ZNF804B: variants seen among roughly 807,000 people sequenced by gnomAD.
The protein encoded by ZNF804B is zinc finger protein 804B.
ZNF804B carries 80 observed loss-of-function variants against 101.4 expected under a neutral mutation model. The observed-to-expected ratio is 0.79, with a 90% CI of 0.66 to 0.95. The LOEUF (loss-of-function observed/expected upper bound fraction) is 0.95. Among genes scored for constraint, ZNF804B ranks in the 40% least tolerant of loss-of-function variants. The pLI is 0.00. For synonymous variants in ZNF804B, 622 were observed against 558.8 expected, an observed-to-expected ratio of 1.11 and a Z score of -1.59; for missense variants, 1,673 against 1,561.9, an observed-to-expected ratio of 1.07 and a Z score of -1.20.
At chr7:89,269,378 A>G (rs1473017017) in intron 2 of ZNF804B, among the ~76,000 whole-genome samples, 1 of 152,110 alleles carries the variant, frequency 6.6e-6, no homozygotes, top group Non-Finnish European at 1.5e-5. Flanking sequence ...CCATGTCCCT[A>G]CAAAGGACAT....
chr7:88,990,984 C>G (rs895379812), intron 1 of ZNF804B, among the ~76,000 whole-genome samples: 11 of 152,034 alleles, frequency 7.2e-5, no homozygotes, highest in Admixed American at 7.2e-4. Flanking sequence ...TATTAAAGAT[C>G]TAGAAAATCA....
intron 2 of ZNF804B, among the ~76,000 whole-genome samples, chr7:89,258,807 A>G (rs1195298146): frequency 6.6e-6 from 1 of 151,982 alleles, no homozygotes; most frequent in Non-Finnish European, 1.5e-5. Context: ...GAAAAAATAT[A>G]TTGACTATTA....
chr7:89,130,107 C>T (rs10260551), intron 1 of ZNF804B, among the ~76,000 whole-genome samples: 44,473 of 151,792 alleles, frequency 0.29, 7,053 homozygotes, highest in East Asian at 0.58. Context: ...TCAATTTTCA[C>T]CAAGAGAAAA....
intron 2 of ZNF804B, among the ~76,000 whole-genome samples, chr7:89,220,002 T>TACATATAC (rs1491540820): frequency 7.2e-5 from 2 of 27,588 alleles, no homozygotes; most frequent in Non-Finnish European, 1.6e-4. Flanking sequence ...TATATGTATA[T>TACATATAC]GCACATATAT....
intron 1 of ZNF804B, among the ~76,000 whole-genome samples, chr7:88,814,459 C>T (rs1452875672): frequency 2.0e-5 from 1 of 49,892 alleles, no homozygotes; most frequent in African/African-American, 9.7e-5. Context: ...CACACACACA[C>T]ACACACACAC....
At chr7:89,059,874 G>A (rs576578000) in intron 1 of ZNF804B, among the ~76,000 whole-genome samples, 1 of 142,320 alleles carries the variant, frequency 7.0e-6, no homozygotes, top group Admixed American at 7.3e-5. Context: ...GGGACATGCT[G>A]TCAGTGTTGG....
intron 1 of ZNF804B, among the ~76,000 whole-genome samples, chr7:89,207,774 C>T (rs954266836): frequency 6.6e-6 from 1 of 152,114 alleles, no homozygotes; most frequent in Non-Finnish European, 1.5e-5. Flanking sequence ...CAAATGTATT[C>T]GTTCTTTCAG....
intron 2 of ZNF804B, among the ~76,000 whole-genome samples, chr7:89,239,816 A>T (rs776221483): frequency 1.6e-4 from 24 of 148,950 alleles, no homozygotes; most frequent in African/African-American, 2.2e-4. Flanking sequence ...TATATATATA[A>T]AATTTAATAG....
At position 89,171,277 on chromosome 7, in the gene ZNF804B, A is replaced by ATGCTGCTGC. The variant is rs55857746; in HGVS notation, c.109-46873_109-46865dup. Among the ~76,000 whole-genome samples the ATGCTGCTGC allele has an allele frequency of 7.7e-3, 844 of 110,010 alleles. 27 individuals carry two copies. Among genetic ancestry groups the ATGCTGCTGC allele is most frequent in the African/African-American group, 0.017 (476 of 28,308 alleles). 72.2% of individuals were successfully genotyped at this position (110,010 alleles called of 152,430 possible). On this transcript the variant is annotated intron_variant, in intron 1 of 3. Transcript: ENST00000333190. ...TAACTCAATGAAGTAGGCACAAATAATGCTGCTGCTGCTTCTTCTTCTTCT... is the reference window on the plus strand; with the variant it reads ...TAACTCAATGAAGTAGGCACAAATAATGCTGCTGCTGCTGCTGCTGCTTCTTCTTCTTCT...
chr7:88,985,968 C>A (rs1235824596), intron 1 of ZNF804B, among the ~76,000 whole-genome samples: 2 of 152,052 alleles, frequency 1.3e-5, no homozygotes, highest in African/African-American at 2.4e-5. Flanking sequence ...CAAAATGATT[C>A]GTCACATGCC....
At chr7:88,891,908 G>A (rs543584552) in intron 1 of ZNF804B, among the ~76,000 whole-genome samples, 3 of 152,090 alleles carry the variant, frequency 2.0e-5, no homozygotes, top group Non-Finnish European at 4.4e-5. Flanking sequence ...GGTGTGTGAT[G>A]TTCCCCTTCC....
At position 89,335,577 on chromosome 7, in the gene ZNF804B, G is replaced by A. The variant is rs370883568; in HGVS notation, c.2595G>A (p.Leu865=). The A allele has an allele frequency of 6.9e-5, 111 of 1,613,882 alleles. No individual in the cohort carries two copies. The highest frequency in any genetic ancestry group is 1.9e-4 in the South Asian group (17 of 91,080). Residue 865 remains leucine, a synonymous_variant, in exon 4 of 4, where the codon TTG becomes TTA. Coordinates refer to ENST00000333190, the MANE Select transcript of ZNF804B (RefSeq NM_181646.5). ...ACTCAATAGAGAAAATGTATTACTT[G>A]AATAAAAGCAAGAGAAATCAAGAGT... ...DSYSIEKMYY[L]NKSKRNQESL...
At chr7:89,209,225 C>T (rs561390945) in intron 1 of ZNF804B, among the ~76,000 whole-genome samples, 18 of 149,542 alleles carry the variant, frequency 1.2e-4, no homozygotes, top group South Asian at 4.3e-4. Flanking sequence ...CCCTAGGGAA[C>T]GCCACCGAGA....
At chr7:89,230,666 A>G (rs1789178733) in intron 2 of ZNF804B, among the ~76,000 whole-genome samples, 1 of 152,064 alleles carries the variant, frequency 6.6e-6, no homozygotes, top group Non-Finnish European at 1.5e-5. Context: ...AAGTAAAGGT[A>G]ATTCCATGGA....
rs908441914 is a variant in ZNF804B, at chr7:89,218,269, A to C, written c.223A>C (p.Asn75His). The C allele has an allele frequency of 6.2e-7, 1 of 1,613,722 alleles. No homozygotes were observed. Among genetic ancestry groups the C allele is most frequent in the Non-Finnish European group, 8.5e-7 (1 of 1,179,800 alleles). ...HKHQEFDNHI[N>H]SYDHAHKQRL... is the part of the protein sequence containing the mutation. ...ACACCAGGAGTTTGACAATCATATT[A>C]ATTCTTATGACCATGCTCATAAGCA... The change falls in exon 2 of 4, where the codon AAT (asparagine) becomes CAT (histidine). Residue 75 changes from asparagine (N) to histidine (H), a missense_variant. Asn to His is a moderately conservative substitution (Grantham distance 68). Transcript: ENST00000333190.
At chr7:88,873,553 G>A (rs1369931902) in intron 1 of ZNF804B, among the ~76,000 whole-genome samples, 2 of 152,178 alleles carry the variant, frequency 1.3e-5, no homozygotes, top group Non-Finnish European at 2.9e-5. Flanking sequence ...CCATGCCTAT[G>A]TCCTGAATGG....
At chr7:88,826,060 T>C (rs1320034444) in intron 1 of ZNF804B, among the ~76,000 whole-genome samples, 3 of 152,170 alleles carry the variant, frequency 2.0e-5, no homozygotes, top group Non-Finnish European at 4.4e-5. Context: ...TCAAGATTGC[T>C]GAAAGGTTTA....
At chr7:88,858,829 C>T (rs931914132) in intron 1 of ZNF804B, among the ~76,000 whole-genome samples, 1 of 152,008 alleles carries the variant, frequency 6.6e-6, no homozygotes, top group African/African-American at 2.4e-5. Context: ...GAAAACACAG[C>T]GGCAACAACT....
At chr7:88,958,264 A>G (rs1225559733) in intron 1 of ZNF804B, among the ~76,000 whole-genome samples, 2 of 151,434 alleles carry the variant, frequency 1.3e-5, no homozygotes, top group East Asian at 2.0e-4. Context: ...TATAAATTCA[A>G]TGGATATAAA....
Sources: gnomAD v4.1 joint callset for allele counts (sites outside exome capture counted in the v4.1 genomes callset) on GRCh38, gnomAD v4.1.1 for gene constraint, MANE v1.5 for transcripts, NCBI Gene and HGNC (gene_info 2026-07-23, HGNC 2026-07-21) for gene names.